The following ADAM12 variants were observed in gnomAD, a reference collection of about 807,000 sequenced individuals.
The protein encoded by ADAM12 is disintegrin and metalloproteinase domain-containing protein 12.
ADAM12 carries 70 observed loss-of-function variants against 106.4 expected under a neutral mutation model. The observed-to-expected ratio is 0.66, with a 90% CI of 0.54 to 0.80. The LOEUF is 0.80. Ranked by LOEUF, ADAM12 falls within the 30% of genes least tolerant of loss-of-function variation. The pLI, the probability that ADAM12 is intolerant of heterozygous loss-of-function variation, is 0.00. For synonymous variants in ADAM12, 420 were observed against 433.5 expected, an observed-to-expected ratio of 0.97 and a Z score of 0.39; for missense variants, 1,010 against 1,171.9, an observed-to-expected ratio of 0.86 and a Z score of 2.02.
chr10:126,125,391 T>C (rs957675217), intron 5 of ADAM12, among the ~76,000 whole-genome samples: 1 of 151,814 alleles, frequency 6.6e-6, no homozygotes, highest in Admixed American at 6.6e-5. Flanking sequence ...ATTACAGGCA[T>C]GTGCCACCAC....
At chr10:126,104,629 T>C (rs1263868108) in intron 8 of ADAM12, among the ~76,000 whole-genome samples, 1 of 151,918 alleles carries the variant, frequency 6.6e-6, no homozygotes, top group Non-Finnish European at 1.5e-5. Flanking sequence ...GCAGGTGCAC[T>C]CCCCGGGCTC....
chr10:126,020,992 C>CAAAAAAAAA (rs3067295), intron 21 of ADAM12, among the ~76,000 whole-genome samples: 11 of 98,368 alleles, frequency 1.1e-4, no homozygotes, highest in African/African-American at 3.7e-4. Flanking sequence ...GACTCTGTCT[C>CAAAAAAAAA]AAAAAAAAAA....
chr10:126,086,844 G>C (rs1328169331), intron 11 of ADAM12, among the ~76,000 whole-genome samples: 1 of 149,830 alleles, frequency 6.7e-6, no homozygotes, highest in Non-Finnish European at 1.5e-5. Context: ...GACCAGCCTG[G>C]CCAACATGGT....
At chr10:126,370,107 C>T (rs976870294) in intron 1 of ADAM12, among the ~76,000 whole-genome samples, 17 of 152,146 alleles carry the variant, frequency 1.1e-4, no homozygotes, top group Non-Finnish European at 2.2e-4. Flanking sequence ...TTTCTGTGAG[C>T]TTGAAAGCAG....
At chr10:126,279,784 C>T (rs1300989644) in intron 2 of ADAM12, among the ~76,000 whole-genome samples, 1 of 151,936 alleles carries the variant, frequency 6.6e-6, no homozygotes, top group African/African-American at 2.4e-5. Flanking sequence ...GGTCATCCCA[C>T]AGAACAGGCA....
rs114411223 is a variant in ADAM12, at chr10:126,178,061, T to A, written c.261-22756A>T. Among the ~76,000 whole-genome samples the A allele has an allele frequency of 4.6e-3, 698 of 152,328 alleles. 2 individuals carry two copies. The highest frequency in any genetic ancestry group is 0.014 in the African/African-American group (565 of 41,564). On this transcript the variant is annotated intron_variant, in intron 3 of 22. Transcript: ENST00000448723. Reference sequence around the variant, plus strand: ...ACAGTAACCGGGAAAGTTTTGTGTTTTATTTATGTGATTGTTGATGTGAAA... The same window carrying A: ...ACAGTAACCGGGAAAGTTTTGTGTTATATTTATGTGATTGTTGATGTGAAA...
At chr10:126,152,875 C>G (rs569398614) in intron 4 of ADAM12, among the ~76,000 whole-genome samples, 1 of 152,252 alleles carries the variant, frequency 6.6e-6, no homozygotes, top group East Asian at 1.9e-4. Flanking sequence ...ATCAGCGTGT[C>G]TATTATTCTC....
At chr10:126,117,316 C>A (rs1453611402) in intron 6 of ADAM12, among the ~76,000 whole-genome samples, 1 of 152,210 alleles carries the variant, frequency 6.6e-6, no homozygotes, top group African/African-American at 2.4e-5. Flanking sequence ...GGAAGTCTGT[C>A]TGCAGCACAG....
At chr10:126,182,209 G>T (rs775190695) in intron 3 of ADAM12, among the ~76,000 whole-genome samples, 3 of 152,124 alleles carry the variant, frequency 2.0e-5, no homozygotes, top group Non-Finnish European at 2.9e-5. Flanking sequence ...CCAAAAACAT[G>T]AACATGTAGA....
intron 3 of ADAM12, among the ~76,000 whole-genome samples, chr10:126,181,198 A>C (rs1406046190): frequency 6.6e-6 from 1 of 151,798 alleles, no homozygotes; most frequent in Non-Finnish European, 1.5e-5. Flanking sequence ...CAGCCTCCTG[A>C]GTAGCTAGGA....
chr10:126,056,479 T>G (rs1443265711), intron 14 of ADAM12, among the ~76,000 whole-genome samples: 2 of 152,222 alleles, frequency 1.3e-5, no homozygotes, highest in African/African-American at 4.8e-5. Flanking sequence ...AGTGGCTAAC[T>G]CACGGGTAGC....
chr10:126,121,429 T>TAA lies in ADAM12; in HGVS notation c.417-3206_417-3205insTT, dbSNP rs1484560475. On this transcript the variant is annotated intron_variant, in intron 5 of 22. Transcript: ENST00000448723. ...TGCATATTATATAATATGCAATATA[T>TAA]TATATATTGCATATTATATAATATG... Among the ~76,000 whole-genome samples, 252 of 128,912 alleles carry TAA rather than the reference T, an allele frequency of 2.0e-3. 19 individuals carry two copies. In the East Asian group the frequency reaches 0.034, roughly 17 times the overall value. The allele number at this position is 128,912 out of a possible 152,430, so 84.6% of individuals were successfully genotyped here. A position where few individuals can be genotyped will look rare whatever the true frequency, so the allele number is the denominator to read the frequency against.
chr10:126,206,867 G>GGGGAGGGGGGGGGGA (rs1554986912), intron 3 of ADAM12, among the ~76,000 whole-genome samples: 1 of 134,718 alleles, frequency 7.4e-6, no homozygotes, highest in Non-Finnish European at 1.7e-5. Flanking sequence ...GGGCGGGGGG[G>GGGGAGGGGGGGGGGA]AGCCAGTGGG....
chr10:126,117,810 G>C (rs978083437), intron 6 of ADAM12, among the ~76,000 whole-genome samples: 3 of 150,776 alleles, frequency 2.0e-5, no homozygotes, highest in Non-Finnish European at 4.4e-5. Context: ...ACTTTCCTCA[G>C]CATATTTTAA....
chr10:126,144,561 A>T (rs1956590001), intron 4 of ADAM12, among the ~76,000 whole-genome samples: 1 of 152,200 alleles, frequency 6.6e-6, no homozygotes, highest in South Asian at 2.1e-4. Flanking sequence ...ATACCCTGTC[A>T]CTTGGCTCTA....
At chr10:126,085,140 T>A (rs899290845) in intron 11 of ADAM12, among the ~76,000 whole-genome samples, 5 of 152,198 alleles carry the variant, frequency 3.3e-5, no homozygotes, top group African/African-American at 1.2e-4. Flanking sequence ...GAAAGCAAAT[T>A]GTTTCCCTCA....
intron 2 of ADAM12, among the ~76,000 whole-genome samples, chr10:126,325,238 A>C (rs952869263): frequency 1.2e-4 from 19 of 152,238 alleles, no homozygotes; most frequent in African/African-American, 4.6e-4. Context: ...ATAAAGAGTG[A>C]AAGGTGTGTG....
chr10:126,151,328 T>A (rs1407163444), intron 4 of ADAM12, among the ~76,000 whole-genome samples: 5 of 152,192 alleles, frequency 3.3e-5, no homozygotes, highest in African/African-American at 1.2e-4. Flanking sequence ...AAAATCACTA[T>A]AAGAAACAGT....
At chr10:126,091,606 T>C (rs1955465884) in intron 11 of ADAM12, among the ~76,000 whole-genome samples, 1 of 84,970 alleles carries the variant, frequency 1.2e-5, no homozygotes, top group East Asian at 3.4e-4. Context: ...CCCCTGGTAA[T>C]GGGGGAAAAA....
Sources: gnomAD v4.1 joint callset for allele counts (sites outside exome capture counted in the v4.1 genomes callset) on GRCh38, gnomAD v4.1.1 for gene constraint, MANE v1.5 for transcripts, NCBI Gene and HGNC (gene_info 2026-07-23, HGNC 2026-07-21) for gene names.